Variants in PHACTR3 observed in about 807,000 individuals in gnomAD.
The protein encoded by PHACTR3 is phosphatase and actin regulator 3.
A neutral mutation model predicts 66.8 loss-of-function variants in PHACTR3; 16 were observed. The observed-to-expected ratio is 0.24, with a 90% CI of 0.16 to 0.36. The LOEUF is 0.36. Among genes scored for constraint, PHACTR3 ranks in the 10% least tolerant of loss-of-function variants. The pLI is 1.00. For synonymous variants in PHACTR3, 323 were observed against 292.1 expected (o/e 1.11, Z -1.08); for missense variants, 647 against 719.9 (o/e 0.90, Z 1.16).
chr20:59,592,044 TAC>T (rs777577447), intron 1 of PHACTR3, among the ~76,000 whole-genome samples: 1 of 151,866 alleles, frequency 6.6e-6, no homozygotes. Context: ...GAAATACACA[TAC>T]ACACACACAG....
At chr20:59,776,565 G>A (rs1034899120) in intron 7 of PHACTR3, among the ~76,000 whole-genome samples, 10 of 152,192 alleles carry the variant, frequency 6.6e-5, no homozygotes, top group African/African-American at 1.7e-4. Context: ...TGGCCCAGAA[G>A]GGTCTCCCGG....
intron 4 of PHACTR3, among the ~76,000 whole-genome samples, chr20:59,757,579 C>T (rs1476362403): frequency 2.0e-5 from 3 of 152,100 alleles, no homozygotes; most frequent in Admixed American, 6.5e-5. Context: ...CACAGCCACT[C>T]GCCTCTGCCC....
At chr20:59,722,873 G>C (rs1473578811) in intron 1 of PHACTR3, among the ~76,000 whole-genome samples, 1 of 152,064 alleles carries the variant, frequency 6.6e-6, no homozygotes. Context: ...TAAGAGGCAA[G>C]CTTGTGTGGC....
At chr20:59,594,751 T>C (rs952837343) in intron 1 of PHACTR3, among the ~76,000 whole-genome samples, 1 of 152,200 alleles carries the variant, frequency 6.6e-6, no homozygotes, top group Admixed American at 6.5e-5. Context: ...TTTGGTTTCA[T>C]TGATTTTCTT....
intron 7 of PHACTR3, among the ~76,000 whole-genome samples, chr20:59,803,292 G>A (rs1449522434): frequency 6.6e-6 from 1 of 152,034 alleles, no homozygotes; most frequent in Non-Finnish European, 1.5e-5. Flanking sequence ...GTAAACATGT[G>A]GTTAATTTCA....
chr20:59,846,536 T>C (rs1293037927), intron 12 of PHACTR3, among the ~76,000 whole-genome samples: 1 of 152,174 alleles, frequency 6.6e-6, no homozygotes, highest in Non-Finnish European at 1.5e-5. Flanking sequence ...AATGAATACA[T>C]ATTCTATATA....
At chr20:59,739,520 A>G (rs1344619270) in intron 1 of PHACTR3, among the ~76,000 whole-genome samples, 5 of 152,170 alleles carry the variant, frequency 3.3e-5, no homozygotes, top group Admixed American at 3.3e-4. Context: ...CACCTTCTTC[A>G]CAAGGCAGCA....
intron 1 of PHACTR3, among the ~76,000 whole-genome samples, chr20:59,708,277 GC>G (rs982037954): frequency 1.4e-4 from 22 of 152,318 alleles, no homozygotes; most frequent in African/African-American, 5.3e-4. Flanking sequence ...CAACCATGGT[GC>G]CTGTGTCTCT....
Position 59,654,779 on chromosome 20 carries a change from T to C in PHACTR3, c.118+49647T>C, listed in dbSNP as rs369822615. 3.7e-4 allele frequency among the ~76,000 whole-genome samples: 57 copies of C among 152,276 alleles called. 1 individual carries two copies. In the South Asian group the frequency reaches 0.012, roughly 31 times the overall value. On this transcript the variant is annotated intron_variant, in intron 1 of 12. Transcript: ENST00000371015. ...CCTTAGCTCACAGAGACAATTACTT[T>C]CCATAGATCTGTCACCATAGATTAT...
intron 1 of PHACTR3, among the ~76,000 whole-genome samples, chr20:59,605,862 G>T (rs1483725255): frequency 3.6e-5 from 5 of 140,696 alleles, no homozygotes; most frequent in Admixed American, 3.5e-4. Context: ...GGGAGGTGGG[G>T]GGGGGGGTGG....
At chr20:59,641,276 T>A (rs4266075) in intron 1 of PHACTR3, among the ~76,000 whole-genome samples, 109,031 of 151,600 alleles carry the variant, frequency 0.72, 39,356 homozygotes, top group East Asian at 0.91. Context: ...CATCCATTCA[T>A]CCATTGTCTG....
At position 59,830,416 on chromosome 20, in the gene PHACTR3, GTC is replaced by G. The variant is rs1427046303; in HGVS notation, c.1329-6087_1329-6086del. Among the ~76,000 whole-genome samples the G allele has an allele frequency of 6.6e-6, 1 of 152,104 alleles. No homozygotes were observed. The highest frequency in any genetic ancestry group is 1.5e-5 in the Non-Finnish European group (1 of 68,012). On this transcript the variant is annotated intron_variant, in intron 8 of 12. Coordinates refer to ENST00000371015, the MANE Select transcript of PHACTR3 (RefSeq NM_080672.5). This position sits in a 1 kb window ranked among gnomAD's most constrained non-coding sequence, Gnocchi z 5.8. ...CATGAGTGATGAAGAGGGTGTGAGT[GTC>G]TGATGGAGGAATGTGTGGGCATCTG...
At chr20:59,723,582 G>A (rs144068979) in intron 1 of PHACTR3, among the ~76,000 whole-genome samples, 1,757 of 152,194 alleles carry the variant, frequency 0.012, 75 homozygotes, top group Admixed American at 0.087. Flanking sequence ...GCACATTTTT[G>A]TGTGGACACC....
chr20:59,777,145 G>A (rs903330170), intron 7 of PHACTR3, among the ~76,000 whole-genome samples: 11 of 152,166 alleles, frequency 7.2e-5, no homozygotes, highest in South Asian at 4.1e-4. Context: ...CCCTGCCTCC[G>A]TGGGCACATA....
At chr20:59,825,426 GTTCATTCACTCATTCACTCA>G (rs2042160957) in intron 8 of PHACTR3, among the ~76,000 whole-genome samples, 2 of 152,004 alleles carry the variant, frequency 1.3e-5, no homozygotes, top group African/African-American at 2.4e-5. Context: ...TCATTCACTC[GTTCATTCACTCATTCACTCA>G]TTCATTCATT....
rs1264069449 is a variant in PHACTR3, at chr20:59,661,657, C to T, written c.118+56525C>T. Among the ~76,000 whole-genome samples the T allele has an allele frequency of 3.3e-5, 5 of 152,122 alleles. No individual in the cohort carries two copies. In the East Asian group the frequency reaches 9.6e-4, roughly 29 times the overall value. On this transcript the variant is annotated intron_variant, in intron 1 of 12. Transcript: ENST00000371015. ...AAGCTTCAAAATTGTCCAACTTGGA[C>T]TTCCACAGGGCTTCTTTCTGTGGCC... is the stretch of plus-strand genomic sequence containing the variant.
Position 59,774,414 on chromosome 20 carries a change from G to C in PHACTR3, c.1098G>C (p.Leu366=). 6.2e-7 allele frequency: 1 copy of C among 1,614,014 alleles called. No homozygotes were observed. The highest frequency in any genetic ancestry group is 8.5e-7 in the Non-Finnish European group (1 of 1,179,956). The part of the protein sequence containing the change: ...AKESEENKEN[L]IINSELKDDL... ...AATCTGAGGAGAACAAGGAGAACCT[G>C]ATCATAAATTCTGAACTCAAAGACG... Residue 366 remains leucine (L), a synonymous_variant, in exon 7 of 13, where the codon CTG becomes CTC. Transcript: ENST00000371015.
chr20:59,730,425 A>C (rs1245876810), intron 1 of PHACTR3, among the ~76,000 whole-genome samples: 1 of 152,148 alleles, frequency 6.6e-6, no homozygotes. Flanking sequence ...CTCTGGGGTT[A>C]CAGTGGGGGT....
At chr20:59,638,811 C>G (rs56087006) in intron 1 of PHACTR3, among the ~76,000 whole-genome samples, 101,669 of 140,572 alleles carry the variant, frequency 0.72, 36,313 homozygotes, top group East Asian at 0.89. Flanking sequence ...GATGGATGGA[C>G]GAATGGATGG....
Sources: gnomAD v4.1 joint callset for allele counts (sites outside exome capture counted in the v4.1 genomes callset) on GRCh38, gnomAD v4.1.1 for gene constraint, Gnocchi (gnomAD v3.1) non-coding constraint, MANE v1.5 for transcripts, NCBI Gene and HGNC (gene_info 2026-07-23, HGNC 2026-07-21) for gene names.